RSBN1L: variants seen among roughly 807,000 people sequenced by gnomAD.
RSBN1L encodes the protein round spermatid basic protein 1 like.
A neutral mutation model predicts 67.7 loss-of-function variants in RSBN1L; 30 were observed. The observed-to-expected ratio is 0.44, with a 90% CI of 0.33 to 0.60. The LOEUF is 0.60. Among genes scored for constraint, RSBN1L ranks in the 20% least tolerant of loss-of-function variants. The probability of loss-of-function intolerance (pLI) is 0.02; values close to 1 mark genes in which losing one functional copy is unlikely to be tolerated. For missense variants in RSBN1L, 992 were observed against 1,031.7 expected, an observed-to-expected ratio of 0.96 and a Z score of 0.53; for synonymous variants, 433 against 387.0, an observed-to-expected ratio of 1.12 and a Z score of -1.39.
At chr7:77,704,090 T>G (rs947851528) in intron 1 of RSBN1L, among the ~76,000 whole-genome samples, 8 of 152,266 alleles carry the variant, frequency 5.3e-5, no homozygotes, top group African/African-American at 1.9e-4. Context: ...TGCTAGTTCC[T>G]GACCTTTCTT....
chr7:77,740,712 T>C (rs1379378877), intron 2 of RSBN1L, among the ~76,000 whole-genome samples: 1 of 148,938 alleles, frequency 6.7e-6, no homozygotes, highest in African/African-American at 2.4e-5. Context: ...ATCTTAAAAG[T>C]TTTTTTTTAT....
At chr7:77,725,879 T>C (rs1177865425) in intron 1 of RSBN1L, among the ~76,000 whole-genome samples, 3 of 152,176 alleles carry the variant, frequency 2.0e-5, no homozygotes, top group African/African-American at 7.2e-5. Flanking sequence ...CCACTGCGCC[T>C]GGCTAAGATT....
chr7:77,762,984 CATT>C (rs1791714865), intron 3 of RSBN1L, among the ~76,000 whole-genome samples: 3 of 152,082 alleles, frequency 2.0e-5, no homozygotes, highest in Admixed American at 1.3e-4. Context: ...TTTAGGTGAT[CATT>C]GTTGGTACTG....
At chr7:77,733,659 G>C (rs1791297735) in intron 1 of RSBN1L, among the ~76,000 whole-genome samples, 1 of 151,750 alleles carries the variant, frequency 6.6e-6, no homozygotes, top group African/African-American at 2.4e-5. Flanking sequence ...TTAATAATTT[G>C]GGTTATCTTT....
At chr7:77,747,790 A>G (rs940362176) in intron 2 of RSBN1L, among the ~76,000 whole-genome samples, 10 of 152,154 alleles carry the variant, frequency 6.6e-5, no homozygotes, top group Non-Finnish European at 1.0e-4. Flanking sequence ...GTATTAGTCC[A>G]TTCTTATACT....
chr7:77,736,996 G>C (rs1036223019), intron 2 of RSBN1L, among the ~76,000 whole-genome samples: 2 of 151,754 alleles, frequency 1.3e-5, no homozygotes, highest in Non-Finnish European at 2.9e-5. Flanking sequence ...TATGTTTCTT[G>C]TATGTTTAAG....
intron 1 of RSBN1L, among the ~76,000 whole-genome samples, chr7:77,730,480 A>C (rs1280198866): frequency 6.6e-6 from 1 of 152,218 alleles, no homozygotes; most frequent in Non-Finnish European, 1.5e-5. Context: ...GGACAAACGT[A>C]TAATGACATG....
intron 2 of RSBN1L, among the ~76,000 whole-genome samples, chr7:77,743,675 C>A (rs1380407282): frequency 6.7e-6 from 1 of 149,322 alleles, no homozygotes; most frequent in Non-Finnish European, 1.5e-5. Flanking sequence ...ATTAAATATA[C>A]TTTCACTCAA....
chr7:77,738,872 G>A (rs546855429), intron 2 of RSBN1L, among the ~76,000 whole-genome samples: 140 of 152,214 alleles, frequency 9.2e-4, no homozygotes, highest in Non-Finnish European at 1.5e-3. Flanking sequence ...CCAGGAGGCG[G>A]AGGTTGCGGT....
At chr7:77,706,977 T>C (rs1388366562) in intron 1 of RSBN1L, among the ~76,000 whole-genome samples, 5 of 152,106 alleles carry the variant, frequency 3.3e-5, no homozygotes, top group African/African-American at 1.2e-4. Context: ...CTCTCTTGGC[T>C]AATGTAAATT....
intron 3 of RSBN1L, among the ~76,000 whole-genome samples, chr7:77,750,292 CTG>C (rs1383479168): frequency 1.7e-5 from 1 of 58,030 alleles, no homozygotes; most frequent in East Asian, 5.3e-4. Context: ...AATTAAGATT[CTG>C]TGTTTTTTTT....
At chr7:77,739,711 GAAA>G (rs1158112982) in intron 2 of RSBN1L, among the ~76,000 whole-genome samples, 4 of 34,402 alleles carry the variant, frequency 1.2e-4, no homozygotes, top group African/African-American at 2.2e-4. Flanking sequence ...TTGGTCTCAG[GAAA>G]AAAAAAAAAA....
chr7:77,775,244 G>A (rs1428283836), intron 6 of RSBN1L, among the ~76,000 whole-genome samples: 3 of 152,048 alleles, frequency 2.0e-5, no homozygotes, highest in African/African-American at 7.2e-5. Flanking sequence ...TTTAAAAAAA[G>A]GAGAAACAGG....
chr7:77,759,985 G>T (rs1219712358), intron 3 of RSBN1L, among the ~76,000 whole-genome samples: 1 of 152,156 alleles, frequency 6.6e-6, no homozygotes, highest in African/African-American at 2.4e-5. Flanking sequence ...GAAACAGCAG[G>T]TTGTTTCAAG....
intron 4 of RSBN1L, among the ~76,000 whole-genome samples, chr7:77,766,520 C>CTT (rs750812101): frequency 1.4e-5 from 2 of 144,068 alleles, no homozygotes; most frequent in African/African-American, 5.1e-5. Context: ...AGCCAGATTC[C>CTT]TTTTTTTTTT....
chr7:77,764,493 T>C (rs1472857681), intron 3 of RSBN1L, among the ~76,000 whole-genome samples: 4 of 152,230 alleles, frequency 2.6e-5, no homozygotes, highest in African/African-American at 7.2e-5. Flanking sequence ...CAAATTTTCT[T>C]CAGCAATCTG....
At chr7:77,760,165 C>T (rs1791681694) in intron 3 of RSBN1L, among the ~76,000 whole-genome samples, 1 of 152,004 alleles carries the variant, frequency 6.6e-6, no homozygotes, top group African/African-American at 2.4e-5. Context: ...ACTTTTTTCC[C>T]TTTGTAGCAA....
At chr7:77,725,212 TTTTTC>T (rs908475093) in intron 1 of RSBN1L, among the ~76,000 whole-genome samples, 2 of 145,900 alleles carry the variant, frequency 1.4e-5, no homozygotes, top group African/African-American at 2.5e-5. Context: ...CCAGAAGTTC[TTTTTC>T]TTTCTTCCCT....
rs759211423 is a variant in RSBN1L at position 77,765,591 on chromosome 7, C to T, written c.1441C>T (p.Pro481Ser). Residue 481 changes from proline to serine, a missense_variant, in exon 4 of 8, where the codon CCT becomes TCT. By Grantham distance (74) the Pro-to-Ser change is moderately conservative (BLOSUM62 -1). This residue lies in a region of RSBN1L where 67 missense variants were observed against 130.5 expected (regional missense o/e 0.51). Transcript: ENST00000334955. ...AVDEEVGDYFPEFLDMLEESP... is the reference protein window; with the variant it reads ...AVDEEVGDYFSEFLDMLEESP... ...TGATGAAGAAGTAGGAGATTATTTC[C>T]CTGAGTTCCTTGACATGTTGGAAGA... 6 of 1,609,138 alleles carry T rather than the reference C, an allele frequency of 3.7e-6. No homozygotes were observed. The African/African-American group carries it at 8.0e-5, about 22-fold the overall frequency.
Sources: allele counts gnomAD v4.1 joint callset (sites outside exome capture counted in the v4.1 genomes callset), GRCh38; gene constraint gnomAD v4.1.1; regional missense constraint gnomAD v4.1.1; transcripts MANE v1.5; gene names NCBI Gene and HGNC (gene_info 2026-07-23, HGNC 2026-07-21).